Variants in DNER observed in about 807,000 individuals in gnomAD.
DNER encodes the protein delta/notch like EGF repeat containing, also known as delta and Notch-like epidermal growth factor-related receptor.
A neutral mutation model predicts 78.2 loss-of-function variants in DNER; 33 were observed. That is an observed-to-expected ratio of 0.42 (90% CI 0.32 to 0.56). DNER has a LOEUF of 0.56. Ranked by LOEUF, DNER falls within the 20% of genes least tolerant of loss-of-function variation. The pLI is 0.11. For missense variants in DNER, 918 were observed against 975.3 expected (o/e 0.94, Z 0.78); for synonymous variants, 417 against 384.8 (o/e 1.08, Z -0.98).
Position 229,591,671 on chromosome 2 carries a change from A to C in DNER, c.494T>G (p.Ile165Ser). 6.2e-7 allele frequency: 1 copy of C among 1,614,166 alleles called. No homozygotes were observed. The highest frequency in any genetic ancestry group is 8.5e-7 in the Non-Finnish European group (1 of 1,180,026). Residue 165 changes from isoleucine (I) to serine (S), a missense_variant, in exon 2 of 13, where the codon ATC becomes AGC. By Grantham distance (142) the Ile-to-Ser change is moderately radical (BLOSUM62 -2). Transcript: ENST00000341772. This position sits in a 1 kb window ranked among gnomAD's most constrained non-coding sequence, Gnocchi z 4.6. ...CACCGTTGCCTGAGAGCGAGGCAGG[A>C]TTTTGTCAGGCTCCTGAGTAGCAGG... is the stretch of plus-strand genomic sequence containing the variant. Reference protein sequence around the residue: ...PVPATQEPDKILPRSQATVTL... With the variant: ...PVPATQEPDKSLPRSQATVTL...
chr2:229,547,289 C>A (rs1041317300), intron 4 of DNER, among the ~76,000 whole-genome samples, 197 bp from the exon 5 acceptor site: 3 of 152,204 alleles, frequency 2.0e-5, no homozygotes, highest in Non-Finnish European at 2.9e-5. Flanking sequence ...GACTTTAGGG[C>A]AGGCTGGTCC....
chr2:229,507,828 C>A (rs965494918), intron 6 of DNER, among the ~76,000 whole-genome samples: 1 of 152,130 alleles, frequency 6.6e-6, no homozygotes, highest in African/African-American at 2.4e-5. Context: ...TCCTTTAGAT[C>A]TTCATGCAGG....
At chr2:229,507,427 G>A (rs1208813690) in intron 6 of DNER, among the ~76,000 whole-genome samples, 1 of 152,150 alleles carries the variant, frequency 6.6e-6, no homozygotes, top group Non-Finnish European at 1.5e-5. Flanking sequence ...ATTAGCATTG[G>A]AGACATTAAG....
At chr2:229,408,990 C>G (rs769773092) in intron 9 of DNER, among the ~76,000 whole-genome samples, 1 of 152,198 alleles carries the variant, frequency 6.6e-6, no homozygotes, top group Admixed American at 6.5e-5. Context: ...GCAGCCATGT[C>G]TTAGTTTCCT....
intron 5 of DNER, among the ~76,000 whole-genome samples, chr2:229,517,512 C>G (rs1696004213): frequency 6.6e-6 from 1 of 152,132 alleles, no homozygotes; most frequent in Non-Finnish European, 1.5e-5. Flanking sequence ...AAAGGTATTC[C>G]AGGTGAGGGG....
chr2:229,568,728 A>T (rs558247537), intron 4 of DNER, among the ~76,000 whole-genome samples: 75 of 151,944 alleles, frequency 4.9e-4, no homozygotes, highest in Non-Finnish European at 8.5e-4. Flanking sequence ...CCTTTTTTTT[A>T]AAATTTTATT....
chr2:229,395,933 G>A (rs1049613923), intron 10 of DNER, among the ~76,000 whole-genome samples: 1 of 152,032 alleles, frequency 6.6e-6, no homozygotes, highest in African/African-American at 2.4e-5. Context: ...CAATAATCTA[G>A]ATAAGAAATA....
chr2:229,670,656 C>T (rs1699191383), intron 1 of DNER, among the ~76,000 whole-genome samples: 1 of 152,180 alleles, frequency 6.6e-6, no homozygotes, highest in South Asian at 2.1e-4. Context: ...GAGAAAAGTG[C>T]TTACACTTAA....
At chr2:229,399,715 G>C (rs1364544557) in intron 10 of DNER, among the ~76,000 whole-genome samples, 2 of 151,986 alleles carry the variant, frequency 1.3e-5, no homozygotes. Context: ...GCCCAAAATA[G>C]ACCCACATAA....
chr2:229,502,339 T>C (rs1341771721), intron 6 of DNER, among the ~76,000 whole-genome samples: 2 of 152,086 alleles, frequency 1.3e-5, no homozygotes. Flanking sequence ...GGATATGGGA[T>C]ATGGGGGCAC....
At chr2:229,598,900 C>T (rs997194129) in intron 1 of DNER, among the ~76,000 whole-genome samples, 1 of 152,074 alleles carries the variant, frequency 6.6e-6, no homozygotes, top group Non-Finnish European at 1.5e-5. Flanking sequence ...AGCTTGAAGA[C>T]TTAAGATTCT....
At chr2:229,663,125 A>G (rs1275598247) in intron 1 of DNER, among the ~76,000 whole-genome samples, 3 of 152,196 alleles carry the variant, frequency 2.0e-5, no homozygotes, top group African/African-American at 7.2e-5. Flanking sequence ...TTCCCTATCC[A>G]GAGTGTTTAG....
chr2:229,617,566 T>A (rs1182049183), intron 1 of DNER, among the ~76,000 whole-genome samples: 1 of 152,242 alleles, frequency 6.6e-6, no homozygotes, highest in African/African-American at 2.4e-5. Flanking sequence ...AAGTTTATAT[T>A]TTTTGCTGAT....
intron 11 of DNER, among the ~76,000 whole-genome samples, chr2:229,384,342 T>C (rs1473679938): frequency 6.6e-6 from 1 of 151,810 alleles, no homozygotes; most frequent in African/African-American, 2.4e-5. Context: ...AACATCACAA[T>C]TAAAAGAACT....
intron 1 of DNER, among the ~76,000 whole-genome samples, chr2:229,675,604 A>G (rs2154216945): frequency 6.6e-6 from 1 of 152,252 alleles, no homozygotes; most frequent in South Asian, 2.1e-4. Flanking sequence ...AATCATCCAG[A>G]AGAAATCTTG....
At chr2:229,502,532 G>A (rs911384160) in intron 6 of DNER, among the ~76,000 whole-genome samples, 1 of 152,172 alleles carries the variant, frequency 6.6e-6, no homozygotes, top group African/African-American at 2.4e-5. Flanking sequence ...GATGCTGGCA[G>A]CCCGGGGAGC....
intron 1 of DNER, among the ~76,000 whole-genome samples, chr2:229,633,948 T>C (rs1220744277): frequency 6.6e-6 from 1 of 152,198 alleles, no homozygotes; most frequent in East Asian, 1.9e-4. Flanking sequence ...GCCAAGCACA[T>C]AGGCAACTGG....
intron 8 of DNER, among the ~76,000 whole-genome samples, chr2:229,439,669 G>C (rs1412250302): frequency 6.6e-6 from 1 of 152,196 alleles, no homozygotes; most frequent in Non-Finnish European, 1.5e-5. Flanking sequence ...CACATAGTAA[G>C]AGTCAATGGC....
chr2:229,649,991 C>A (rs955250409), intron 1 of DNER, among the ~76,000 whole-genome samples: 1 of 148,936 alleles, frequency 6.7e-6, no homozygotes, highest in Non-Finnish European at 1.5e-5. Context: ...AGGAGAATGG[C>A]GTGAACCCAG....
Sources: allele counts gnomAD v4.1 joint callset (sites outside exome capture counted in the v4.1 genomes callset), GRCh38; gene constraint gnomAD v4.1.1; non-coding constraint Gnocchi (gnomAD v3.1); transcripts MANE v1.5; gene names NCBI Gene and HGNC (gene_info 2026-07-23, HGNC 2026-07-21).